The following SIGLEC12 variants were observed in gnomAD, a reference collection of about 807,000 sequenced individuals.
SIGLEC12 encodes the protein sialic acid binding Ig like lectin 12.
Under a neutral mutation model 54.1 loss-of-function variants are expected in SIGLEC12, and 43 were observed. The observed-to-expected ratio is 0.80, with a 90% confidence interval of 0.62 to 1.03. The LOEUF is 1.03. Ranked by LOEUF, SIGLEC12 falls within the 50% of genes least tolerant of loss-of-function variation. The probability of loss-of-function intolerance (pLI) is 0.00; values close to 1 mark genes in which losing one functional copy is unlikely to be tolerated. For synonymous variants in SIGLEC12, 357 were observed against 307.6 expected, an observed-to-expected ratio of 1.16 and a Z score of -1.68; for missense variants, 802 against 735.2, an observed-to-expected ratio of 1.09 and a Z score of -1.05.
Position 51,497,950 on chromosome 19 carries a change from A to G in SIGLEC12, c.1405+68T>C, listed in dbSNP as rs73575446. 1,569 of 1,581,710 alleles carry G rather than the reference A, an allele frequency of 9.9e-4. 23 individuals are homozygous for G. In the African/African-American group the frequency reaches 0.019, roughly 19 times the overall value. On this transcript the variant is annotated intron_variant, in intron 5 of 7. Transcript: ENST00000291707. ...ATGCTGTGGGTTGCAGGGAAATTCC[A>G]GGTCTCCCAGCTGGACCCTGAGGGT...
intron 6 of SIGLEC12, 112 bp downstream of exon 6, chr19:51,497,237 G>A: frequency 9.8e-7 from 1 of 1,017,800 alleles, no homozygotes; most frequent in Non-Finnish European, 1.5e-6. Flanking sequence ...ACCTCATTCT[G>A]GCCCTTGCTT....
chr19:51,491,790 G>A lies in SIGLEC12; in HGVS notation c.1639C>T (p.His547Tyr). The A allele has an allele frequency of 1.9e-6, 3 of 1,598,652 alleles. No homozygotes were observed. The highest frequency in any genetic ancestry group is 1.1e-5 in the South Asian group (1 of 88,952). The change falls in exon 8 of 8, where the codon CAC (histidine) becomes TAC (tyrosine). Residue 547 changes from histidine (H) to tyrosine (Y), a missense_variant. Coordinates refer to ENST00000291707, the MANE Select transcript of SIGLEC12 (RefSeq NM_053003.4). ...GTGGCCAGGGCTGGCGGAGCATGGT[G>A]TGGGGGGCTGTCATCTGCCGGGGAT... is the stretch of plus-strand genomic sequence containing the variant. ...IESPADDSPPHHAPPALATPS... is the reference protein window; with the variant it reads ...IESPADDSPPYHAPPALATPS...
rs1200879950 is a variant in SIGLEC12, at chr19:51,491,449, G to A, written c.*192C>T. The A allele has an allele frequency of 3.6e-5, 21 of 578,382 alleles. No homozygotes were observed. Among genetic ancestry groups the A allele is most frequent in the Admixed American group, 1.3e-4 (4 of 31,480 alleles). 35.8% of individuals were successfully genotyped at this position (578,382 alleles called of 1,614,324 possible). ...GGTGGGTACCAGAGGCCGGGGGCGG[G>A]GAGTGTGGACCGATTGGATGGAGAA... On this transcript the variant is annotated 3_prime_UTR_variant, in exon 8 of 8. Coordinates refer to ENST00000291707, the MANE Select transcript of SIGLEC12 (RefSeq NM_053003.4).
chr19:51,493,159 A>C (rs1424582256), intron 7 of SIGLEC12, among the ~76,000 whole-genome samples: 1 of 151,392 alleles, frequency 6.6e-6, no homozygotes, highest in Non-Finnish European at 1.5e-5. Flanking sequence ...GCTGAGTCCA[A>C]ATGTCCGTCT....
At chr19:51,493,619 G>T (rs1419232126) in intron 7 of SIGLEC12, among the ~76,000 whole-genome samples, 1 of 152,030 alleles carries the variant, frequency 6.6e-6, no homozygotes, top group Non-Finnish European at 1.5e-5. Context: ...TCTACCCATG[G>T]ATTGGGGCAA....
At chr19:51,501,238 C>G in intron 1 of SIGLEC12, 69 bp downstream of exon 1, 1 of 1,510,908 alleles carries the variant, frequency 6.6e-7, no homozygotes, top group Non-Finnish European at 9.1e-7. Flanking sequence ...GGACATGTGT[C>G]CCGTCTCAGC....
In SIGLEC12 at chr19:51,495,385, ATGGATGGATGGATGGGTGGGTGGGTGGG is replaced by A. The variant is rs1568528990; in HGVS notation, c.1599+1467_1599+1494del. 7.8e-4 allele frequency among the ~76,000 whole-genome samples: 57 copies of A among 73,068 alleles called. 1 individual carries two copies. Among genetic ancestry groups the A allele is most frequent in the East Asian group, 2.6e-3 (6 of 2,310 alleles). 47.9% of individuals were successfully genotyped at this position (73,068 alleles called of 152,430 possible). On this transcript the variant is annotated intron_variant, in intron 7 of 7. Coordinates refer to ENST00000291707, the MANE Select transcript of SIGLEC12 (RefSeq NM_053003.4). ...GGTGGGTGGATGGATGGATGGATGGATGGATGGATGGATGGGTGGGTGGGTGGGTGGATGGATGGATGGATGGATGGAT... is the reference window on the plus strand; with the variant it reads ...GGTGGGTGGATGGATGGATGGATGGATGGATGGATGGATGGATGGATGGAT...
intron 7 of SIGLEC12, among the ~76,000 whole-genome samples, chr19:51,495,280 GAT>G (rs1177922104): frequency 7.7e-4 from 102 of 133,258 alleles, no homozygotes; most frequent in Non-Finnish European, 1.2e-3. Context: ...TGGATGGATG[GAT>G]GGATGGATGG....
Position 51,501,568 on chromosome 19 carries a change from A to T in SIGLEC12, c.166T>A (p.Ser56Thr), listed in dbSNP as rs1990398815. 1 of 1,613,724 alleles carries T rather than the reference A, an allele frequency of 6.2e-7. No homozygotes were observed. The highest frequency in any genetic ancestry group is 1.1e-5 in the South Asian group (1 of 91,072). ...AACCAGTAGCCATGAACTGGATCGG[A>T]GGCAGTCCAGCCATTTTGGGGGTAG... ...FSYPQNGWTA[S>T]DPVHGYWFRA... Residue 56 changes from serine to threonine, a missense_variant, in exon 1 of 8, where the codon TCC becomes ACC. By Grantham distance (58) the Ser-to-Thr change is moderately conservative. Transcript: ENST00000291707.
At chr19:51,500,557 C>T (rs1451214092) in intron 1 of SIGLEC12, among the ~76,000 whole-genome samples, 1 of 152,070 alleles carries the variant, frequency 6.6e-6, no homozygotes, top group Non-Finnish European at 1.5e-5. Context: ...GAAGGAAACC[C>T]TAAAGCTCAG....
chr19:51,500,934 A>G (rs1990376346), intron 1 of SIGLEC12, among the ~76,000 whole-genome samples: 1 of 152,000 alleles, frequency 6.6e-6, no homozygotes, highest in Non-Finnish European at 1.5e-5. Flanking sequence ...ATGTGTGGAG[A>G]TAATTGTCTC....
chr19:51,498,321 C>A, intron 4 of SIGLEC12, 34 bp from the exon 5 acceptor site: 2 of 1,552,136 alleles, frequency 1.3e-6, no homozygotes, highest in South Asian at 2.4e-5. Context: ...CAGAGAGAGA[C>A]AAAGTGATCG....
rs1234925368 is a variant in SIGLEC12, at chr19:51,499,625, T to C, written c.900A>G (p.Glu300=). The change falls in exon 3 of 8, where the codon GAA becomes GAG. Residue 300 remains glutamate, a synonymous_variant. Coordinates refer to ENST00000291707, the MANE Select transcript of SIGLEC12 (RefSeq NM_053003.4). ...AGGTGATCGTGGGGGGCGTCCCCTG[T>C]TCACAGGCCCAGGGCACAGAGCAGG... The part of the protein sequence containing the change: ...NLTCSVPWAC[E]QGTPPTITWM... 1.2e-6 allele frequency: 2 copies of C among 1,613,814 alleles called. No homozygotes were observed. Among genetic ancestry groups the C allele is most frequent in the East Asian group, 2.2e-5 (1 of 44,870 alleles).
intron 1 of SIGLEC12, among the ~76,000 whole-genome samples, chr19:51,500,830 T>A (rs1282456779): frequency 6.6e-6 from 1 of 151,840 alleles, no homozygotes; most frequent in African/African-American, 2.4e-5. Context: ...CGCCAGGAAG[T>A]GCTTCCTCCC....
intron 6 of SIGLEC12, among the ~76,000 whole-genome samples, 165 bp from the exon 7 acceptor site, chr19:51,497,141 T>C (rs535157578): frequency 1.3e-5 from 2 of 152,244 alleles, no homozygotes; most frequent in East Asian, 1.9e-4. Context: ...AGGCTCTTTT[T>C]TCCTGGGCAG....
At position 51,491,661 on chromosome 19, in the gene SIGLEC12, C is replaced by T; in HGVS notation, c.1768G>A (p.Glu590Lys). ...GTTTCTCACTTGGGGATGTTGATCT[C>T]GGAGTACTCATAGCCGATGGCCTCC... is the stretch of plus-strand genomic sequence containing the variant. ...EQEAIGYEYS[E>K]INIPK is the part of the protein sequence containing the mutation. The change falls in exon 8 of 8, where the codon GAG becomes AAG. Residue 590 changes from glutamate to lysine, a missense_variant. Glu to Lys is a moderately conservative substitution (Grantham distance 56). Transcript: ENST00000291707. 1 of 1,613,932 alleles carries T rather than the reference C, an allele frequency of 6.2e-7. No individual in the cohort carries two copies. Among genetic ancestry groups the T allele is most frequent in the South Asian group, 1.1e-5 (1 of 91,060 alleles).
intron 5 of SIGLEC12, 151 bp downstream of exon 5, chr19:51,497,867 G>T: frequency 8.8e-7 from 1 of 1,139,792 alleles, no homozygotes. Context: ...TCCCCTCCAA[G>T]ATTAACTCCT....
intron 5 of SIGLEC12, 21 bp downstream of exon 5, chr19:51,497,997 T>A (rs757834019): frequency 1.1e-5 from 17 of 1,613,454 alleles, no homozygotes. Context: ...GTTCTCCTCC[T>A]CCAGACCCTC....
chr19:51,497,086 G>T (rs1024742781), intron 6 of SIGLEC12, 110 bp from the exon 7 acceptor site: 2 of 1,547,842 alleles, frequency 1.3e-6, no homozygotes, highest in African/African-American at 1.4e-5. Context: ...TAACTGAGGC[G>T]GGAGGGGAGT....
Sources: allele counts gnomAD v4.1 joint callset (sites outside exome capture counted in the v4.1 genomes callset), GRCh38; gene constraint gnomAD v4.1.1; transcripts MANE v1.5; gene names NCBI Gene and HGNC (gene_info 2026-07-23, HGNC 2026-07-21).